Variants in VWA8 observed in about 807,000 individuals in gnomAD.
VWA8 encodes the protein von Willebrand factor A domain-containing protein 8.
A neutral mutation model predicts 241.5 loss-of-function variants in VWA8; 221 were observed. That is an observed-to-expected ratio of 0.91 (90% CI 0.82 to 1.02). VWA8 has a LOEUF of 1.02. Among genes scored for constraint, VWA8 ranks in the 50% least tolerant of loss-of-function variants. The pLI, the probability that VWA8 is intolerant of heterozygous loss-of-function variation, is 0.00. For synonymous variants in VWA8, 852 were observed against 827.1 expected, an observed-to-expected ratio of 1.03 and a Z score of -0.52; for missense variants, 2,322 against 2,328.7, an observed-to-expected ratio of 1.00 and a Z score of 0.06.
chr13:41,779,981 C>T (rs1404401053), intron 19 of VWA8, among the ~76,000 whole-genome samples: 1 of 152,154 alleles, frequency 6.6e-6, no homozygotes, highest in Non-Finnish European at 1.5e-5. Context: ...TTAAAAGTCT[C>T]CTCTCCCAGT....
intron 17 of VWA8, among the ~76,000 whole-genome samples, chr13:41,790,941 A>C (rs1375365468): frequency 6.6e-6 from 1 of 151,814 alleles, no homozygotes; most frequent in Non-Finnish European, 1.5e-5. Flanking sequence ...TACATTAACA[A>C]AAAAAAGCCC....
chr13:41,760,591 C>A (rs1396661131), intron 21 of VWA8, among the ~76,000 whole-genome samples: 2 of 151,724 alleles, frequency 1.3e-5, no homozygotes, highest in East Asian at 3.9e-4. Context: ...AGAACGGGTT[C>A]ACTCATAAAG....
At chr13:41,579,921 A>G (rs539900625) in intron 42 of VWA8, among the ~76,000 whole-genome samples, 1 of 152,214 alleles carries the variant, frequency 6.6e-6, no homozygotes, top group Admixed American at 6.5e-5. Context: ...ATCACAGCTC[A>G]CTGCAGCCTC....
At chr13:41,845,188 C>T (rs141979874) in intron 12 of VWA8, among the ~76,000 whole-genome samples, 9 of 152,028 alleles carry the variant, frequency 5.9e-5, no homozygotes, top group South Asian at 2.1e-4. Flanking sequence ...AAAAAACATA[C>T]GAAAAAATGC....
At chr13:41,620,814 G>A (rs78636203) in intron 37 of VWA8, among the ~76,000 whole-genome samples, 4,426 of 152,270 alleles carry the variant, frequency 0.029, 120 homozygotes, top group East Asian at 0.095. Context: ...ACTTAGAGTT[G>A]AATTCTGGTG....
chr13:41,588,499 C>T (rs922073739), intron 41 of VWA8, among the ~76,000 whole-genome samples: 2 of 152,094 alleles, frequency 1.3e-5, no homozygotes, highest in African/African-American at 4.8e-5. Context: ...GGTGGGAGAA[C>T]TGCTTGAGGC....
Position 41,721,651 on chromosome 13 carries a change from T to TATAAAGAGCCACTGG in VWA8, c.2759-77_2759-76insCCAGTGGCTCTTTAT, listed in dbSNP as rs1376652132. The TATAAAGAGCCACTGG allele has an allele frequency of 4.4e-4, 644 of 1,452,454 alleles. 5 individuals are homozygous for TATAAAGAGCCACTGG. In the African/African-American group the frequency reaches 8.2e-3, roughly 19 times the overall value. The allele number at this position is 1,452,454 out of a possible 1,614,324, so 90.0% of individuals were successfully genotyped here. On this transcript the variant is annotated intron_variant, in intron 24 of 44. Coordinates refer to ENST00000379310, the MANE Select transcript of VWA8 (RefSeq NM_015058.2). Reference sequence around the variant, plus strand: ...GTCACAGGAAAAAATGGAATGGTTGTTTAAAGAGCCACTGGTTGCTCATCA... The same window carrying TATAAAGAGCCACTGG: ...GTCACAGGAAAAAATGGAATGGTTGTATAAAGAGCCACTGGTTAAAGAGCCACTGGTTGCTCATCA...
At chr13:41,774,242 C>T (rs139377531) in intron 20 of VWA8, among the ~76,000 whole-genome samples, 3 of 152,130 alleles carry the variant, frequency 2.0e-5, no homozygotes, top group East Asian at 1.9e-4. Context: ...CAGGTTCAAG[C>T]GATTCTCCTG....
intron 2 of VWA8, among the ~76,000 whole-genome samples, chr13:41,945,556 G>C (rs1395080109): frequency 6.6e-6 from 1 of 152,124 alleles, no homozygotes; most frequent in Non-Finnish European, 1.5e-5. Flanking sequence ...AACGTCTCAT[G>C]AAACAGAGTA....
At chr13:41,661,265 T>C (rs1350699626) in intron 37 of VWA8, among the ~76,000 whole-genome samples, 1 of 152,208 alleles carries the variant, frequency 6.6e-6, no homozygotes, top group African/African-American at 2.4e-5. Context: ...AAACACTGAC[T>C]TCTATGGGAA....
chr13:41,926,478 C>G, intron 2 of VWA8: 2 of 524,724 alleles, frequency 3.8e-6, no homozygotes. Flanking sequence ...AGAATTGCTC[C>G]GGAACTCTAT....
chr13:41,733,817 C>A (rs1011510225), intron 21 of VWA8, among the ~76,000 whole-genome samples: 10 of 152,054 alleles, frequency 6.6e-5, no homozygotes, highest in Non-Finnish European at 1.3e-4. Context: ...TGTCCCCCAC[C>A]TAGAACATGT....
chr13:41,854,092 T>C (rs1373142212), intron 12 of VWA8, among the ~76,000 whole-genome samples: 1 of 152,160 alleles, frequency 6.6e-6, no homozygotes, highest in African/African-American at 2.4e-5. Flanking sequence ...TTTCTGCTTG[T>C]TTGTTAGTAT....
chr13:41,795,238 C>T (rs1296570620), intron 17 of VWA8, among the ~76,000 whole-genome samples: 3 of 152,162 alleles, frequency 2.0e-5, no homozygotes, highest in African/African-American at 4.8e-5. Flanking sequence ...AAATCAAAAC[C>T]ACAATGAGGT....
intron 21 of VWA8, among the ~76,000 whole-genome samples, chr13:41,759,387 T>C (rs901809132): frequency 6.6e-6 from 1 of 151,740 alleles, no homozygotes; most frequent in Non-Finnish European, 1.5e-5. Context: ...AATTTGATTA[T>C]ATGCTATGTA....
At chr13:41,699,626 T>C (rs2045237113) in intron 28 of VWA8, among the ~76,000 whole-genome samples, 1 of 152,226 alleles carries the variant, frequency 6.6e-6, no homozygotes, top group Admixed American at 6.5e-5. Context: ...GTCTGTTCTC[T>C]TGTTGGTTCA....
intron 9 of VWA8, among the ~76,000 whole-genome samples, chr13:41,882,184 T>G (rs1427289444): frequency 4.8e-5 from 7 of 145,734 alleles, no homozygotes; most frequent in South Asian, 4.4e-4. Flanking sequence ...GGGCAGAGGC[T>G]CTCCCCACAT....
intron 19 of VWA8, among the ~76,000 whole-genome samples, chr13:41,779,219 G>T (rs1188464328): frequency 1.4e-5 from 2 of 147,440 alleles, no homozygotes; most frequent in Admixed American, 6.8e-5. Flanking sequence ...ATAATATATA[G>T]ATATAAAAAT....
Position 41,570,463 on chromosome 13 carries a change from CT to C in VWA8, c.5609+4del, listed in dbSNP as rs1300043134. On this transcript the variant is annotated splice_donor_region_variant and intron_variant, in intron 44 of 44. Coordinates refer to ENST00000379310, the MANE Select transcript of VWA8 (RefSeq NM_015058.2). The stretch of plus-strand genomic sequence containing the variant: ...CCCTTTTCTGTATGCTCAGATGACA[CT>C]TACCTGGTTGCTTGATCACCTAAAG... 1 of 1,612,854 alleles carries C rather than the reference CT, an allele frequency of 6.2e-7. No individual in the cohort carries two copies. The highest frequency in any genetic ancestry group is 2.2e-5 in the East Asian group (1 of 44,872).
Sources: gnomAD v4.1 joint callset for allele counts (sites outside exome capture counted in the v4.1 genomes callset) on GRCh38, gnomAD v4.1.1 for gene constraint, MANE v1.5 for transcripts, NCBI Gene and HGNC (gene_info 2026-07-23, HGNC 2026-07-21) for gene names.